COL25A1: variants seen among roughly 807,000 people sequenced by gnomAD.
COL25A1 encodes the protein collagen alpha-1(XXV) chain.
In COL25A1, 103 loss-of-function variants were observed where a neutral mutation model predicts 128.4. That is an observed-to-expected ratio of 0.80 (90% CI 0.68 to 0.94). The LOEUF (loss-of-function observed/expected upper bound fraction) is 0.94, where lower values mean the gene tolerates loss of function less well. Among genes scored for constraint, COL25A1 ranks in the 40% least tolerant of loss-of-function variants. The pLI is 0.00. For synonymous variants in COL25A1, 279 were observed against 277.2 expected (o/e 1.01, Z -0.06); for missense variants, 745 against 840.0 (o/e 0.89, Z 1.40).
At chr4:108,901,056 T>G in intron 14 of COL25A1, 63 bp downstream of exon 14, 1 of 1,279,776 alleles carries the variant, frequency 7.8e-7, no homozygotes, top group Non-Finnish European at 1.1e-6. Flanking sequence ...TATTAAATAA[T>G]AGCTTACAAT....
intron 3 of COL25A1, among the ~76,000 whole-genome samples, chr4:109,153,782 A>C (rs1771757002): frequency 1.3e-5 from 2 of 152,218 alleles, no homozygotes; most frequent in Admixed American, 1.3e-4. Context: ...CCAAAAAATA[A>C]GATTTTTTAT....
intron 8 of COL25A1, among the ~76,000 whole-genome samples, chr4:108,962,475 G>A (rs898317100): frequency 1.1e-4 from 17 of 152,076 alleles, no homozygotes; most frequent in East Asian, 5.8e-4. Flanking sequence ...CACTGCACCC[G>A]GCCCTTAATT....
chr4:109,103,187 A>G (rs1766079342), intron 3 of COL25A1, among the ~76,000 whole-genome samples: 2 of 152,184 alleles, frequency 1.3e-5, no homozygotes, highest in South Asian at 4.1e-4. Context: ...CTAATACATC[A>G]CTATGCAAAA....
chr4:108,942,749 C>CTTTTTT (rs746618908), intron 8 of COL25A1, among the ~76,000 whole-genome samples: 15 of 69,952 alleles, frequency 2.1e-4, no homozygotes, highest in Non-Finnish European at 3.2e-4. Context: ...CACATCTGGA[C>CTTTTTT]TTTTTTTTTT....
At chr4:108,954,781 A>G (rs1749866322) in intron 8 of COL25A1, among the ~76,000 whole-genome samples, 1 of 152,074 alleles carries the variant, frequency 6.6e-6, no homozygotes, top group South Asian at 2.1e-4. Context: ...TTTAAATGAT[A>G]TATATGCATT....
At chr4:108,848,243 T>C (rs1735338887) in intron 27 of COL25A1, among the ~76,000 whole-genome samples, 2 of 152,220 alleles carry the variant, frequency 1.3e-5, no homozygotes, top group South Asian at 4.1e-4. Flanking sequence ...GCTTGCCGAC[T>C]TCTGTTTTAG....
At chr4:109,209,777 G>A (rs1418367059) in intron 3 of COL25A1, among the ~76,000 whole-genome samples, 1 of 152,068 alleles carries the variant, frequency 6.6e-6, no homozygotes, top group Non-Finnish European at 1.5e-5. Flanking sequence ...CTCAAGCCTG[G>A]AGAGGTGGCT....
At chr4:109,216,193 T>C (rs960085618) in intron 3 of COL25A1, among the ~76,000 whole-genome samples, 4 of 152,032 alleles carry the variant, frequency 2.6e-5, no homozygotes, top group African/African-American at 7.2e-5. Context: ...CCGGTGTTCC[T>C]ACTGCCTAGG....
At chr4:109,258,496 C>T (rs528219164) in intron 3 of COL25A1, among the ~76,000 whole-genome samples, 2 of 152,124 alleles carry the variant, frequency 1.3e-5, no homozygotes, top group South Asian at 2.1e-4. Context: ...GACTAAAATA[C>T]GTAAAACACT....
At chr4:108,852,352 C>T (rs1735887354) in intron 25 of COL25A1, 72 bp from the exon 26 acceptor site, 6 of 1,041,864 alleles carry the variant, frequency 5.8e-6, no homozygotes, top group Middle Eastern at 2.2e-4. Context: ...TAAATAGGCA[C>T]ACTATACACC....
chr4:109,208,741 T>G (rs1777242272), intron 3 of COL25A1, among the ~76,000 whole-genome samples: 4 of 152,162 alleles, frequency 2.6e-5, no homozygotes, highest in African/African-American at 9.7e-5. Flanking sequence ...ATAACTTTCC[T>G]ATATCTTACC....
chr4:109,034,108 A>G (rs1040467369), intron 5 of COL25A1, among the ~76,000 whole-genome samples: 2 of 152,194 alleles, frequency 1.3e-5, no homozygotes, highest in Non-Finnish European at 2.9e-5. Context: ...ACAAATATTT[A>G]AATAACAAAA....
chr4:109,139,457 T>G (rs1332513040), intron 3 of COL25A1, among the ~76,000 whole-genome samples: 2 of 152,120 alleles, frequency 1.3e-5, no homozygotes, highest in Non-Finnish European at 2.9e-5. Context: ...TTTTATGGTT[T>G]TTACATTTAA....
At chr4:109,298,791 C>A (rs547807060) in intron 3 of COL25A1, among the ~76,000 whole-genome samples, 2 of 152,190 alleles carry the variant, frequency 1.3e-5, no homozygotes, top group East Asian at 1.9e-4. Context: ...CAAATGTTTA[C>A]CTTGGAAGCT....
At chr4:109,043,046 T>C (rs1760071278) in intron 5 of COL25A1, among the ~76,000 whole-genome samples, 1 of 151,990 alleles carries the variant, frequency 6.6e-6, no homozygotes, top group African/African-American at 2.4e-5. Context: ...CAGACCTGGG[T>C]TTATATTTCA....
At chr4:109,158,897 A>C (rs901142355) in intron 3 of COL25A1, among the ~76,000 whole-genome samples, 196 of 152,332 alleles carry the variant, frequency 1.3e-3, no homozygotes, top group African/African-American at 4.6e-3. Flanking sequence ...TGTTAACACA[A>C]GAGTCTCTTA....
intron 11 of COL25A1, among the ~76,000 whole-genome samples, chr4:108,921,403 CTATTTT>C (rs942402170): frequency 3.3e-5 from 5 of 151,970 alleles, no homozygotes; most frequent in Non-Finnish European, 7.4e-5. Flanking sequence ...AGCTATATTT[CTATTTT>C]TAAATACAAC....
At chr4:108,872,958 T>A (rs919856598) in intron 19 of COL25A1, among the ~76,000 whole-genome samples, 2 of 152,044 alleles carry the variant, frequency 1.3e-5, no homozygotes, top group Admixed American at 1.3e-4. Context: ...AGTGGTATGA[T>A]CATGGCTCAC....
intron 6 of COL25A1, among the ~76,000 whole-genome samples, chr4:108,978,135 AT>A (rs1166900821): frequency 2.0e-5 from 3 of 152,238 alleles, no homozygotes; most frequent in African/African-American, 7.2e-5. Context: ...CTTAATTTGC[AT>A]CTACAATTGA....
Sources: gnomAD v4.1 joint callset for allele counts (sites outside exome capture counted in the v4.1 genomes callset) on GRCh38, gnomAD v4.1.1 for gene constraint, MANE v1.5 for transcripts, NCBI Gene and HGNC (gene_info 2026-07-23, HGNC 2026-07-21) for gene names.